Variants in LRP1B observed in about 807,000 individuals in gnomAD.
LRP1B encodes the protein low-density lipoprotein receptor-related protein 1B.
In LRP1B, 217 loss-of-function variants were observed where a neutral mutation model predicts 556.6. The observed-to-expected ratio is 0.39, with a 90% CI of 0.35 to 0.44. The LOEUF (loss-of-function observed/expected upper bound fraction) is 0.44. Ranked by LOEUF, LRP1B falls within the 20% of genes least tolerant of loss-of-function variation. The pLI, the probability that LRP1B is intolerant of heterozygous loss-of-function variation, is 1.00. For missense variants in LRP1B, 5,053 were observed against 5,620.8 expected, an observed-to-expected ratio of 0.90 and a Z score of 3.23; for synonymous variants, 2,047 against 1,865.8, an observed-to-expected ratio of 1.10 and a Z score of -2.50.
At chr2:140,924,748 C>G (rs1427235007) in intron 20 of LRP1B, among the ~76,000 whole-genome samples, 1 of 152,100 alleles carries the variant, frequency 6.6e-6, no homozygotes, top group Non-Finnish European at 1.5e-5. Flanking sequence ...CTATCTAATT[C>G]ATTCTCACTT....
At chr2:140,954,110 T>C (rs1695801599) in intron 18 of LRP1B, among the ~76,000 whole-genome samples, 1 of 152,206 alleles carries the variant, frequency 6.6e-6, no homozygotes, top group African/African-American at 2.4e-5. Flanking sequence ...TAACAAGATT[T>C]TGTTCATGTC....
chr2:141,261,541 G>T (rs767363648), intron 3 of LRP1B, among the ~76,000 whole-genome samples: 6 of 152,006 alleles, frequency 3.9e-5, no homozygotes, highest in African/African-American at 7.2e-5. Context: ...CAATTTTGGT[G>T]ATCACTGATT....
chr2:141,312,946 G>A (rs953835737), intron 3 of LRP1B, among the ~76,000 whole-genome samples: 3 of 152,098 alleles, frequency 2.0e-5, no homozygotes, highest in Non-Finnish European at 4.4e-5. Context: ...CTCCCAAAGT[G>A]CTGGGATTAT....
chr2:141,205,182 A>G (rs762074586), intron 6 of LRP1B, among the ~76,000 whole-genome samples: 4 of 152,184 alleles, frequency 2.6e-5, no homozygotes, highest in Non-Finnish European at 4.4e-5. Flanking sequence ...TGTTTGTTAT[A>G]TATCTGGCTA....
intron 12 of LRP1B, among the ~76,000 whole-genome samples, chr2:141,019,461 C>T (rs79030974): frequency 0.071 from 10,806 of 151,952 alleles, 424 homozygotes; most frequent in Middle Eastern, 0.12. Context: ...AGAATAGCAA[C>T]GAATTCAGAG....
At chr2:140,304,633 T>A (rs1683986462) in intron 83 of LRP1B, among the ~76,000 whole-genome samples, 1 of 152,208 alleles carries the variant, frequency 6.6e-6, no homozygotes, top group Non-Finnish European at 1.5e-5. Flanking sequence ...GTAGTTTCTT[T>A]TGCTGTGCAG....
intron 66 of LRP1B, among the ~76,000 whole-genome samples, chr2:140,386,432 G>T (rs780014237): frequency 2.6e-5 from 4 of 152,156 alleles, no homozygotes; most frequent in African/African-American, 9.7e-5. Context: ...TTCTGTGGTT[G>T]TCATCTTGTC....
intron 23 of LRP1B, chr2:140,898,285 G>A (rs1295996897): frequency 6.5e-6 from 1 of 152,994 alleles, no homozygotes; most frequent in East Asian, 1.9e-4. Flanking sequence ...AGGTTTCTGT[G>A]TCACATAAAA....
At chr2:140,447,210 A>G (rs1686699046) in intron 63 of LRP1B, among the ~76,000 whole-genome samples, 1 of 152,124 alleles carries the variant, frequency 6.6e-6, no homozygotes, top group Non-Finnish European at 1.5e-5. Flanking sequence ...TTTCATTGGT[A>G]GAAATGTAAA....
At chr2:140,721,963 C>T (rs1687419406) in intron 35 of LRP1B, among the ~76,000 whole-genome samples, 2 of 152,070 alleles carry the variant, frequency 1.3e-5, no homozygotes, top group Non-Finnish European at 2.9e-5. Context: ...CATGTAACCA[C>T]TACCTTGATC....
chr2:140,855,502 A>AAAAAAAAAAAAAAAAT, intron 27 of LRP1B, among the ~76,000 whole-genome samples: 1 of 150,890 alleles, frequency 6.6e-6, no homozygotes, highest in South Asian at 2.1e-4. Flanking sequence ...GGAAAAAAAA[A>AAAAAAAAAAAAAAAAT]AAATTTGAAT....
At chr2:140,950,155 A>C in intron 20 of LRP1B, 80 bp downstream of exon 20, 1 of 1,068,724 alleles carries the variant, frequency 9.4e-7, no homozygotes, top group Non-Finnish European at 1.3e-6. Flanking sequence ...TTTTTATACA[A>C]TATTCTCTCT....
intron 2 of LRP1B, among the ~76,000 whole-genome samples, chr2:141,776,722 T>C (rs1695090192): frequency 6.6e-6 from 1 of 152,196 alleles, no homozygotes; most frequent in Non-Finnish European, 1.5e-5. Flanking sequence ...CTTTAAACAG[T>C]ATCTAGAGGG....
At chr2:140,866,529 C>A (rs1692958235) in intron 27 of LRP1B, among the ~76,000 whole-genome samples, 1 of 151,792 alleles carries the variant, frequency 6.6e-6, no homozygotes, top group Non-Finnish European at 1.5e-5. Flanking sequence ...GATATAGAAA[C>A]CATATGTATA....
intron 6 of LRP1B, among the ~76,000 whole-genome samples, chr2:141,197,995 T>C (rs111443544): frequency 0.015 from 2,251 of 152,166 alleles, 33 homozygotes; most frequent in Middle Eastern, 0.034. Flanking sequence ...TATTGCCCCA[T>C]AAGTTGTGAT....
intron 2 of LRP1B, among the ~76,000 whole-genome samples, chr2:141,544,751 G>A (rs1685493614): frequency 6.6e-6 from 1 of 151,760 alleles, no homozygotes; most frequent in Non-Finnish European, 1.5e-5. Flanking sequence ...CTGCAGTTTT[G>A]ACCTCCTGGG....
At chr2:141,921,151 A>G (rs764963158) in intron 1 of LRP1B, among the ~76,000 whole-genome samples, 5 of 152,176 alleles carry the variant, frequency 3.3e-5, no homozygotes, top group Non-Finnish European at 5.9e-5. Flanking sequence ...ATGACTTTAC[A>G]ATTTCTCATC....
chr2:141,387,811 T>C (rs542118606), intron 3 of LRP1B, among the ~76,000 whole-genome samples: 1 of 152,218 alleles, frequency 6.6e-6, no homozygotes, highest in South Asian at 2.1e-4. Context: ...ATTCATTCAA[T>C]GAGATATGTA....
intron 1 of LRP1B, among the ~76,000 whole-genome samples, chr2:142,026,980 T>C (rs1574608900): frequency 6.6e-6 from 1 of 152,008 alleles, no homozygotes; most frequent in Admixed American, 6.6e-5. Context: ...ACAGCAAGTA[T>C]GACTTTTATG....
Sources: allele counts gnomAD v4.1 joint callset (sites outside exome capture counted in the v4.1 genomes callset), GRCh38; gene constraint gnomAD v4.1.1; transcripts MANE v1.5; gene names NCBI Gene and HGNC (gene_info 2026-07-23, HGNC 2026-07-21).